The following C2orf76 variants were observed in gnomAD, a reference collection of about 807,000 sequenced individuals.
C2orf76 encodes the protein chromosome 2 open reading frame 76, also known as UPF0538 protein C2orf76.
C2orf76 carries 23 observed loss-of-function variants against 16.9 expected under a neutral mutation model. The ratio of observed to expected loss-of-function variants is 1.36; its 90% CI spans 0.98 to 1.93. The LOEUF is 1.93. Among genes scored for constraint, C2orf76 ranks in the 30% most tolerant of loss-of-function variants. The probability of loss-of-function intolerance (pLI) is 0.00; values close to 1 mark genes in which losing one functional copy is unlikely to be tolerated. For synonymous variants in C2orf76, 48 were observed against 52.3 expected, an observed-to-expected ratio of 0.92 and a Z score of 0.35; for missense variants, 152 against 152.6, an observed-to-expected ratio of 1.00 and a Z score of 0.02.
At chr2:119,353,027 T>C (rs1680452589) in intron 1 of C2orf76, among the ~76,000 whole-genome samples, 2 of 152,144 alleles carry the variant, frequency 1.3e-5, no homozygotes, top group South Asian at 4.1e-4. Context: ...GGTGAGCAGA[T>C]ATAAAAGGAG....
intron 1 of C2orf76, among the ~76,000 whole-genome samples, chr2:119,362,532 T>C (rs1022343432): frequency 3.3e-5 from 5 of 152,340 alleles, no homozygotes; most frequent in African/African-American, 9.6e-5. Context: ...ACAATGTAGA[T>C]TTAGAAGAGA....
intron 1 of C2orf76, among the ~76,000 whole-genome samples, chr2:119,355,516 C>T (rs2104641194): frequency 6.6e-6 from 1 of 152,242 alleles, no homozygotes; most frequent in Non-Finnish European, 1.5e-5. Flanking sequence ...TGACATAAAC[C>T]CACTGCACAT....
chr2:119,325,732 G>A (rs1328813217), intron 2 of C2orf76, among the ~76,000 whole-genome samples: 1 of 152,088 alleles, frequency 6.6e-6, no homozygotes, highest in Non-Finnish European at 1.5e-5. Context: ...ACTTCCTATG[G>A]TTACTCCTTT....
At chr2:119,290,282 T>G in the C2orf76 span, among the ~76,000 whole-genome samples, 1 of 151,920 alleles carries the variant, frequency 6.6e-6, no homozygotes, top group Non-Finnish European at 1.5e-5. Flanking sequence ...TGCCTATCAA[T>G]TGTTGTACTA....
the C2orf76 span, among the ~76,000 whole-genome samples, chr2:119,283,068 T>G: frequency 6.6e-6 from 1 of 152,114 alleles, no homozygotes; most frequent in Non-Finnish European, 1.5e-5. Context: ...ATTAGCAGGG[T>G]CCTTCACAGT....
At chr2:119,292,399 A>T in the C2orf76 span, among the ~76,000 whole-genome samples, 4 of 152,168 alleles carry the variant, frequency 2.6e-5, no homozygotes, top group African/African-American at 9.6e-5. Flanking sequence ...CCCTCACAGG[A>T]GGCTCAGGAC....
At chr2:119,360,995 G>A (rs1198416650) in intron 1 of C2orf76, among the ~76,000 whole-genome samples, 1 of 152,222 alleles carries the variant, frequency 6.6e-6, no homozygotes, top group African/African-American at 2.4e-5. Context: ...GGTAGTGGTT[G>A]TGGCCACAAG....
intron 1 of C2orf76, among the ~76,000 whole-genome samples, chr2:119,360,816 A>G (rs1257360963): frequency 6.6e-6 from 1 of 152,250 alleles, no homozygotes. Context: ...GAACAAAACT[A>G]TCATTCACTC....
chr2:119,304,981 C>G (rs1010504008), intron 5 of C2orf76, among the ~76,000 whole-genome samples: 1 of 152,132 alleles, frequency 6.6e-6, no homozygotes, highest in African/African-American at 2.4e-5. Context: ...GGGGATGAAC[C>G]CTCAGGAAGT....
intron 1 of C2orf76, among the ~76,000 whole-genome samples, chr2:119,345,918 G>A (rs980411779): frequency 1.6e-4 from 25 of 151,914 alleles, no homozygotes; most frequent in African/African-American, 4.6e-4. Flanking sequence ...AAAATTAGCC[G>A]GGCATGGTGG....
At chr2:119,349,758 G>A (rs1680321807) in intron 1 of C2orf76, among the ~76,000 whole-genome samples, 1 of 152,184 alleles carries the variant, frequency 6.6e-6, no homozygotes, top group Non-Finnish European at 1.5e-5. Flanking sequence ...CCCAGGCTGA[G>A]CCATGGGCCC....
the C2orf76 span, among the ~76,000 whole-genome samples, chr2:119,286,565 G>T: frequency 4.6e-5 from 7 of 152,110 alleles, no homozygotes; most frequent in Admixed American, 2.0e-4. Flanking sequence ...TGGAGATGTA[G>T]CCAGAGATCA....
At chr2:119,353,351 A>T (rs1007961471) in intron 1 of C2orf76, among the ~76,000 whole-genome samples, 2 of 152,176 alleles carry the variant, frequency 1.3e-5, no homozygotes, top group Non-Finnish European at 2.9e-5. Context: ...GTTTAGAAGA[A>T]TGACAAATTA....
At chr2:119,295,645 T>C in the C2orf76 span, among the ~76,000 whole-genome samples, 1 of 152,194 alleles carries the variant, frequency 6.6e-6, no homozygotes, top group South Asian at 2.1e-4. Context: ...ACAGTTTTTT[T>C]CCTGTGTATT....
chr2:119,330,171 C>T (rs1203972367), intron 2 of C2orf76, among the ~76,000 whole-genome samples: 10 of 152,032 alleles, frequency 6.6e-5, no homozygotes, highest in African/African-American at 2.2e-4. Flanking sequence ...GTCAGGATTT[C>T]GAGACCAGCC....
chr2:119,288,281 C>T, the C2orf76 span, among the ~76,000 whole-genome samples: 12 of 151,814 alleles, frequency 7.9e-5, no homozygotes, highest in Non-Finnish European at 1.5e-4. Flanking sequence ...CTCAGCCTCC[C>T]GAGTAGCTCG....
the C2orf76 span, among the ~76,000 whole-genome samples, chr2:119,283,855 A>ATTAGGCTT: frequency 6.6e-6 from 1 of 152,154 alleles, no homozygotes; most frequent in Non-Finnish European, 1.5e-5. Flanking sequence ...AAAATCAGAT[A>ATTAGGCTT]TTAGGCTTTG....
intron 1 of C2orf76, among the ~76,000 whole-genome samples, chr2:119,343,656 G>C (rs1022635954): frequency 3.9e-5 from 6 of 152,172 alleles, no homozygotes; most frequent in Non-Finnish European, 8.8e-5. Flanking sequence ...ATGTTAGCCG[G>C]GCGTGGTGGC....
chr2:119,300,524 T>C (rs1221710833), downstream of C2orf76, among the ~76,000 whole-genome samples: 1 of 152,214 alleles, frequency 6.6e-6, no homozygotes, highest in Non-Finnish European at 1.5e-5. Flanking sequence ...GGCCTTATCT[T>C]CCTCTACTCT....
Sources: allele counts gnomAD v4.1 joint callset (sites outside exome capture counted in the v4.1 genomes callset), GRCh38; gene constraint gnomAD v4.1.1; transcripts MANE v1.5; gene names NCBI Gene and HGNC (gene_info 2026-07-23, HGNC 2026-07-21).